Variants in CCDC85A observed in about 807,000 individuals in gnomAD.
CCDC85A encodes coiled-coil domain-containing protein 85A.
Under a neutral mutation model 50.2 loss-of-function variants are expected in CCDC85A, and 38 were observed. The observed-to-expected ratio is 0.76, with a 90% confidence interval of 0.58 to 0.99. The LOEUF is 0.99. Ranked by LOEUF, CCDC85A falls within the 50% of genes least tolerant of loss-of-function variation. The probability of loss-of-function intolerance (pLI) is 0.00; values close to 1 mark genes in which losing one functional copy is unlikely to be tolerated. For missense variants in CCDC85A, 820 were observed against 742.0 expected (o/e 1.11, Z -1.22); for synonymous variants, 366 against 301.4 (o/e 1.21, Z -2.22).
At chr2:56,297,599 C>T (rs1452880479) in intron 2 of CCDC85A, among the ~76,000 whole-genome samples, 2 of 152,092 alleles carry the variant, frequency 1.3e-5, no homozygotes, top group African/African-American at 4.8e-5. Context: ...AAAGCGGCCC[C>T]TCATTGGTAG....
At chr2:56,297,460 C>A (rs528826630) in intron 2 of CCDC85A, among the ~76,000 whole-genome samples, 2 of 149,890 alleles carry the variant, frequency 1.3e-5, no homozygotes, top group African/African-American at 2.5e-5. Context: ...GTTTCCAGAG[C>A]ATGTTTATAT....
rs532279126 is a variant in CCDC85A at position 56,342,584 on chromosome 2, T to A, written c.1241-295T>A. On this transcript the variant is annotated intron_variant, in intron 2 of 5. Coordinates refer to ENST00000407595, the MANE Select transcript of CCDC85A (RefSeq NM_001080433.2). ...CCTTTACTTGTGTTTTCTTATTGGT[T>A]TGTAAGAGTTCTGTATAGAATCTTA... Among the ~76,000 whole-genome samples the A allele has an allele frequency of 1.6e-3, 244 of 152,350 alleles. 1 individual carries two copies. The highest frequency in any genetic ancestry group is 5.6e-3 in the African/African-American group (231 of 41,584).
At chr2:56,344,171 A>G (rs114337458) in intron 3 of CCDC85A, among the ~76,000 whole-genome samples, 65 of 152,334 alleles carry the variant, frequency 4.3e-4, no homozygotes, top group African/African-American at 1.6e-3. Context: ...TCTTCTATAC[A>G]TAAATATATA....
At chr2:56,260,222 A>G (rs963736636) in intron 2 of CCDC85A, among the ~76,000 whole-genome samples, 12 of 152,198 alleles carry the variant, frequency 7.9e-5, no homozygotes, top group African/African-American at 2.4e-5. Context: ...AAAATGGACC[A>G]AAAAATAGAC....
intron 2 of CCDC85A, among the ~76,000 whole-genome samples, chr2:56,289,058 G>C (rs1206481994): frequency 1.3e-5 from 2 of 152,134 alleles, no homozygotes; most frequent in Non-Finnish European, 2.9e-5. Context: ...GTGCTGACCC[G>C]GGTTCCAGGG....
intron 2 of CCDC85A, among the ~76,000 whole-genome samples, chr2:56,279,723 A>T (rs532000127): frequency 1.5e-4 from 23 of 152,162 alleles, no homozygotes; most frequent in Non-Finnish European, 2.8e-4. Context: ...TGTCCTCTAG[A>T]TTCATTCCTG....
At chr2:56,305,728 T>G (rs555087559) in intron 2 of CCDC85A, among the ~76,000 whole-genome samples, 1 of 152,366 alleles carries the variant, frequency 6.6e-6, no homozygotes, top group Non-Finnish European at 1.5e-5. Context: ...GTTTAATTGA[T>G]TGGCTGGTTT....
chr2:56,292,323 T>C (rs185007388), intron 2 of CCDC85A, among the ~76,000 whole-genome samples: 1,917 of 152,276 alleles, frequency 0.013, 16 homozygotes, highest in South Asian at 0.022. Context: ...GACCTCGTGA[T>C]CCACCCGCCT....
intron 2 of CCDC85A, among the ~76,000 whole-genome samples, chr2:56,296,336 A>C (rs1260165979): frequency 6.6e-6 from 1 of 152,188 alleles, no homozygotes; most frequent in Non-Finnish European, 1.5e-5. Flanking sequence ...AAATAACTTA[A>C]AAACTATTTA....
intron 3 of CCDC85A, among the ~76,000 whole-genome samples, chr2:56,351,300 C>T (rs567081372): frequency 7.4e-4 from 113 of 151,704 alleles, no homozygotes; most frequent in African/African-American, 2.4e-3. Flanking sequence ...TGAATAGTGC[C>T]GCAATAAACA....
intron 2 of CCDC85A, among the ~76,000 whole-genome samples, chr2:56,297,043 G>C (rs7602941): frequency 2.0e-5 from 3 of 151,976 alleles, no homozygotes; most frequent in African/African-American, 4.8e-5. Flanking sequence ...TTCATTCTGA[G>C]TTCTGAAAAA....
chr2:56,332,872 G>A (rs1673883927), intron 2 of CCDC85A, among the ~76,000 whole-genome samples: 1 of 152,112 alleles, frequency 6.6e-6, no homozygotes, highest in Non-Finnish European at 1.5e-5. Flanking sequence ...TTGGAATTAG[G>A]CCCTATTTAA....
At position 56,215,503 on chromosome 2, in the gene CCDC85A, T is replaced by A. The variant is rs537918644; in HGVS notation, c.1240+22063T>A. Among the ~76,000 whole-genome samples, 225 of 151,914 alleles carry A rather than the reference T, an allele frequency of 1.5e-3. 2 individuals carry two copies. Among genetic ancestry groups the A allele is most frequent in the South Asian group, 0.01 (50 of 4,826 alleles). On this transcript the variant is annotated intron_variant, in intron 2 of 5. Coordinates refer to ENST00000407595, the MANE Select transcript of CCDC85A (RefSeq NM_001080433.2). ...GGGAAGGCATCCAGTTTTTCACTGT[T>A]AAATGTGATGTTAACTGTAGATTTT...
chr2:56,340,838 T>C (rs1296255521), intron 2 of CCDC85A, among the ~76,000 whole-genome samples: 2 of 129,724 alleles, frequency 1.5e-5, no homozygotes, highest in African/African-American at 3.0e-5. Context: ...ATCGCGCCAC[T>C]GCACTCCAGC....
At chr2:56,243,311 G>A (rs536747339) in intron 2 of CCDC85A, among the ~76,000 whole-genome samples, 54 of 152,088 alleles carry the variant, frequency 3.6e-4, no homozygotes, top group African/African-American at 1.3e-3. Flanking sequence ...TTGTAGGAGT[G>A]CTTCATTTTT....
intron 2 of CCDC85A, among the ~76,000 whole-genome samples, chr2:56,307,787 G>C (rs1346157880): frequency 2.0e-5 from 3 of 152,154 alleles, no homozygotes; most frequent in African/African-American, 7.2e-5. Flanking sequence ...TTTTTCTCAT[G>C]CTATGTCATT....
chr2:56,349,086 T>A (rs1337885759), intron 3 of CCDC85A, among the ~76,000 whole-genome samples: 1 of 152,154 alleles, frequency 6.6e-6, no homozygotes, highest in African/African-American at 2.4e-5. Context: ...AAGAGAAACT[T>A]GTGCAGAATT....
intron 2 of CCDC85A, among the ~76,000 whole-genome samples, chr2:56,223,997 A>G (rs1668438538): frequency 6.6e-6 from 1 of 152,206 alleles, no homozygotes; most frequent in African/African-American, 2.4e-5. Context: ...ACTAAAGTGT[A>G]CAGTCCAATG....
At chr2:56,340,427 T>A (rs906292739) in intron 2 of CCDC85A, among the ~76,000 whole-genome samples, 1 of 152,054 alleles carries the variant, frequency 6.6e-6, no homozygotes, top group African/African-American at 2.4e-5. Flanking sequence ...ACTGAGGAGG[T>A]TGTTCTGCTT....
Sources: gnomAD v4.1 joint callset for allele counts (sites outside exome capture counted in the v4.1 genomes callset) on GRCh38, gnomAD v4.1.1 for gene constraint, MANE v1.5 for transcripts, NCBI Gene and HGNC (gene_info 2026-07-23, HGNC 2026-07-21) for gene names.